ADAMTS9: variants seen among roughly 807,000 people sequenced by gnomAD.
ADAMTS9 encodes ADAM metallopeptidase with thrombospondin type 1 motif 9, also known as A disintegrin and metalloproteinase with thrombospondin motifs 9.
A neutral mutation model predicts 257.1 loss-of-function variants in ADAMTS9; 107 were observed. The ratio of observed to expected loss-of-function variants is 0.42; its 90% CI spans 0.36 to 0.49. The LOEUF is 0.49. ADAMTS9 is among the 20% of genes least tolerant of loss of function. The pLI, the probability that ADAMTS9 is intolerant of heterozygous loss-of-function variation, is 0.03. For synonymous variants in ADAMTS9, 982 were observed against 880.9 expected (o/e 1.11, Z -2.03); for missense variants, 2,353 against 2,469.1 (o/e 0.95, Z 1.00).
At chr3:64,558,855 G>A (rs1467204292) in intron 30 of ADAMTS9, among the ~76,000 whole-genome samples, 7 of 152,188 alleles carry the variant, frequency 4.6e-5, no homozygotes, top group African/African-American at 1.7e-4. Context: ...CCATTCAGTG[G>A]GCTGAGAGGC....
chr3:64,656,852 G>C (rs1014325284), intron 4 of ADAMTS9, among the ~76,000 whole-genome samples: 9 of 152,016 alleles, frequency 5.9e-5, no homozygotes, highest in Admixed American at 2.6e-4. Context: ...AGGCCACAAG[G>C]GGGGAAGAAG....
intron 28 of ADAMTS9, among the ~76,000 whole-genome samples, chr3:64,585,577 C>T (rs922374532): frequency 1.3e-5 from 2 of 152,088 alleles, no homozygotes; most frequent in African/African-American, 4.8e-5. Context: ...TAAATTTTAC[C>T]ATTTTTCATA....
At chr3:64,563,601 G>T (rs557274612) in intron 29 of ADAMTS9, among the ~76,000 whole-genome samples, 2 of 152,104 alleles carry the variant, frequency 1.3e-5, no homozygotes, top group Non-Finnish European at 2.9e-5. Context: ...TTCAACGAAG[G>T]CACGGTACTA....
At position 64,604,347 on chromosome 3, in the gene ADAMTS9, GA is replaced by G. The variant is rs563996395; in HGVS notation, c.3475-17del. On this transcript the variant is annotated splice_polypyrimidine_tract_variant and intron_variant, in intron 23 of 39. Coordinates refer to ENST00000498707, the MANE Select transcript of ADAMTS9 (RefSeq NM_182920.2). ...ATTCACAGTCCTAGACGTGATGGGG[GA>G]AAAAAAAACAAAGTCACTTTCAAGT... is the stretch of plus-strand genomic sequence containing the variant. 4.2e-4 allele frequency: 616 copies of G among 1,468,738 alleles called. 2 individuals carry two copies. In the African/African-American group the frequency reaches 6.1e-3, roughly 15 times the overall value. 91.0% of individuals were successfully genotyped at this position (1,468,738 alleles called of 1,614,324 possible).
rs1050693435 is a variant in ADAMTS9, at chr3:64,594,988, C to T, written c.4180-554G>A. Among the ~76,000 whole-genome samples, 5 of 152,170 alleles carry T rather than the reference C, an allele frequency of 3.3e-5. No individual in the cohort carries two copies. In the East Asian group the frequency reaches 7.7e-4, roughly 24 times the overall value. On this transcript the variant is annotated intron_variant, in intron 27 of 39. Coordinates refer to ENST00000498707, the MANE Select transcript of ADAMTS9 (RefSeq NM_182920.2). ...ATTTTTAGTAGAGATGGGGTTTCAC[C>T]GTGTTAGCCAGGATGGTCTCGATCT... is the stretch of plus-strand genomic sequence containing the variant.
intron 3 of ADAMTS9, among the ~76,000 whole-genome samples, chr3:64,670,265 C>A (rs1220942922): frequency 6.6e-6 from 1 of 152,218 alleles, no homozygotes; most frequent in Non-Finnish European, 1.5e-5. Context: ...CCTGTTTTCA[C>A]CCCTGAGCTA....
chr3:64,604,362 T>C (rs760766743), intron 23 of ADAMTS9, 31 bp from the exon 24 acceptor site: 3 of 1,489,326 alleles, frequency 2.0e-6, no homozygotes, highest in South Asian at 1.3e-5. Flanking sequence ...AAAAACAAAG[T>C]CACTTTCAAG....
intron 30 of ADAMTS9, among the ~76,000 whole-genome samples, chr3:64,560,377 A>C (rs2083400044): frequency 6.6e-6 from 1 of 152,206 alleles, no homozygotes; most frequent in Non-Finnish European, 1.5e-5. Context: ...AGTTTCCTAA[A>C]GAAAAGAAAT....
rs138920906 is a variant in ADAMTS9 at position 64,533,238 on chromosome 3, G to T, written c.5646C>A (p.Gly1882=). The change falls in exon 38 of 40, where the codon GGC becomes GGA. Residue 1882 remains glycine, a synonymous_variant. Transcript: ENST00000498707. ...GRFSINLYGT[G]LSLTESARWI... Reference sequence around the variant, plus strand: ...ATCTGGCAGATTCAGTTAAAGACAAGCCGGTTCCATAAAGGTTGATGCTAA... The same window carrying T: ...ATCTGGCAGATTCAGTTAAAGACAATCCGGTTCCATAAAGGTTGATGCTAA... 2 of 1,614,104 alleles carry T rather than the reference G, an allele frequency of 1.2e-6. No homozygotes were observed. Among genetic ancestry groups the T allele is most frequent in the South Asian group, 2.2e-5 (2 of 91,086 alleles).
chr3:64,611,780 T>C (rs570261645), intron 22 of ADAMTS9, among the ~76,000 whole-genome samples: 1 of 152,152 alleles, frequency 6.6e-6, no homozygotes, highest in African/African-American at 2.4e-5. Flanking sequence ...CCTGGTTCTT[T>C]ACAGGCCATG....
intron 26 of ADAMTS9, among the ~76,000 whole-genome samples, chr3:64,601,152 G>A (rs1273522966): frequency 2.0e-5 from 3 of 151,984 alleles, no homozygotes; most frequent in Non-Finnish European, 2.9e-5. Context: ...TAATTTGAAG[G>A]ACAATGATAA....
At chr3:64,591,716 G>T (rs2084262034) in intron 28 of ADAMTS9, among the ~76,000 whole-genome samples, 2 of 152,132 alleles carry the variant, frequency 1.3e-5, no homozygotes, top group South Asian at 2.1e-4. Flanking sequence ...AACAAGTGTT[G>T]AAGTAGGCAA....
intron 36 of ADAMTS9, 84 bp from the exon 37 acceptor site, chr3:64,539,378 C>G: frequency 8.8e-7 from 1 of 1,140,380 alleles, no homozygotes; most frequent in Non-Finnish European, 1.3e-6. Context: ...AACAAGGAGA[C>G]AGAAGGGAAG....
rs190680452 is a variant in ADAMTS9 at position 64,594,872 on chromosome 3, C to T, written c.4180-438G>A. On this transcript the variant is annotated intron_variant, in intron 27 of 39. Coordinates refer to ENST00000498707, the MANE Select transcript of ADAMTS9 (RefSeq NM_182920.2). ...CACGATCTCGGCTCACTGCAACCTC[C>T]GCCTCCCAGGTTCAAGTGATTCTCC... Among the ~76,000 whole-genome samples the T allele has an allele frequency of 3.3e-3, 496 of 152,158 alleles. 2 individuals are homozygous for T. The highest frequency in any genetic ancestry group is 5.2e-3 in the Non-Finnish European group (353 of 67,996).
chr3:64,545,959 C>T (rs1349169407), intron 32 of ADAMTS9, among the ~76,000 whole-genome samples: 2 of 152,096 alleles, frequency 1.3e-5, no homozygotes, highest in African/African-American at 4.8e-5. Flanking sequence ...GACAGTCTTC[C>T]AGGGCAGTCC....
chr3:64,561,419 T>C, intron 30 of ADAMTS9, 159 bp downstream of exon 30: 1 of 674,374 alleles, frequency 1.5e-6, no homozygotes, highest in Non-Finnish European at 2.3e-6. Flanking sequence ...CCACCCTTGT[T>C]GGAGCGAATG....
At chr3:64,560,552 G>A (rs947345708) in intron 30 of ADAMTS9, among the ~76,000 whole-genome samples, 2 of 152,094 alleles carry the variant, frequency 1.3e-5, no homozygotes, top group Admixed American at 6.5e-5. Context: ...TAGGTGCTAG[G>A]TATGTGACAC....
At position 64,541,651 on chromosome 3, in the gene ADAMTS9, G is replaced by A; in HGVS notation, c.5198-31C>T. On this transcript the variant is annotated intron_variant, in intron 33 of 39. Transcript: ENST00000498707. Reference sequence around the variant, plus strand: ...AAACACCAATCACAAAAAATAGGGTGTGATGATCCGAGATGTGAATTATCT... The same window carrying A: ...AAACACCAATCACAAAAAATAGGGTATGATGATCCGAGATGTGAATTATCT... The A allele has an allele frequency of 1.9e-6, 3 of 1,581,046 alleles. No individual in the cohort carries two copies. In the South Asian group the frequency reaches 3.3e-5, roughly 17 times the overall value.
intron 3 of ADAMTS9, among the ~76,000 whole-genome samples, chr3:64,659,043 AAAC>A (rs930581903): frequency 6.6e-6 from 1 of 152,178 alleles, no homozygotes; most frequent in African/African-American, 2.4e-5. Context: ...AGCTTAAGGG[AAAC>A]AATTGCACGT....
Sources: gnomAD v4.1 joint callset for allele counts (sites outside exome capture counted in the v4.1 genomes callset) on GRCh38, gnomAD v4.1.1 for gene constraint, MANE v1.5 for transcripts, NCBI Gene and HGNC (gene_info 2026-07-23, HGNC 2026-07-21) for gene names.